Variants in SNAPC1 observed in about 807,000 individuals in gnomAD.
SNAPC1 encodes the protein small nuclear RNA activating complex polypeptide 1, also known as snRNA-activating protein complex subunit 1.
In SNAPC1, 42 loss-of-function variants were observed where a neutral mutation model predicts 50.1. The observed-to-expected ratio is 0.84, with a 90% CI of 0.65 to 1.08. The LOEUF is 1.08. SNAPC1 is among the 50% of genes least tolerant of loss of function. The probability of loss-of-function intolerance (pLI) is 0.00; values close to 1 mark genes in which losing one functional copy is unlikely to be tolerated. For missense variants in SNAPC1, 477 were observed against 427.3 expected, an observed-to-expected ratio of 1.12 and a Z score of -1.02; for synonymous variants, 164 against 144.2, an observed-to-expected ratio of 1.14 and a Z score of -0.98.
At chr14:61,783,245 G>A (rs367653898) in intron 8 of SNAPC1, among the ~76,000 whole-genome samples, 4 of 151,592 alleles carry the variant, frequency 2.6e-5, no homozygotes, top group East Asian at 2.0e-4. Context: ...TGGCCAGGCC[G>A]GTCTTGGACT....
chr14:61,770,368 G>A (rs1323513779), intron 4 of SNAPC1, among the ~76,000 whole-genome samples: 1 of 151,640 alleles, frequency 6.6e-6, no homozygotes, highest in African/African-American at 2.4e-5. Context: ...TCAACCCACT[G>A]AGTAGCTGGG....
At chr14:61,777,162 C>T (rs938378053) in intron 5 of SNAPC1, among the ~76,000 whole-genome samples, 2 of 152,040 alleles carry the variant, frequency 1.3e-5, no homozygotes, top group Non-Finnish European at 2.9e-5. Context: ...TTTTCACTTT[C>T]TGTTATATAA....
At chr14:61,773,915 G>T (rs548571849) in intron 4 of SNAPC1, among the ~76,000 whole-genome samples, 1 of 151,532 alleles carries the variant, frequency 6.6e-6, no homozygotes, top group East Asian at 1.9e-4. Flanking sequence ...CACCATGTTG[G>T]CCAGGGTGGT....
In SNAPC1 at chr14:61,793,638, AT is replaced by A. The variant is rs942122812; in HGVS notation, c.1072+745del. The stretch of plus-strand genomic sequence containing the variant: ...CTTTTGTTTTTCACTGGTGGGGAAT[AT>A]TTTTTTTTCTTTTCTTTTTTTCTTT... On this transcript the variant is annotated intron_variant, in intron 9 of 9. Coordinates refer to ENST00000216294, the MANE Select transcript of SNAPC1 (RefSeq NM_003082.4). 1.3e-4 allele frequency among the ~76,000 whole-genome samples: 18 copies of A among 133,516 alleles called. 1 individual carries two copies. The East Asian group carries it at 3.1e-3, about 23-fold the overall frequency. 87.6% of individuals were successfully genotyped at this position (133,516 alleles called of 152,430 possible).
chr14:61,790,728 T>C (rs569233954), intron 8 of SNAPC1, among the ~76,000 whole-genome samples: 21 of 152,236 alleles, frequency 1.4e-4, no homozygotes, highest in Non-Finnish European at 2.4e-4. Context: ...CGAGTCTGTC[T>C]GAATCCAAGC....
chr14:61,783,503 G>C (rs189767392), intron 8 of SNAPC1, among the ~76,000 whole-genome samples: 1 of 136,600 alleles, frequency 7.3e-6, no homozygotes, highest in Non-Finnish European at 1.6e-5. Context: ...AATTACTTTC[G>C]TATATATTTC....
chr14:61,790,242 T>C (rs2140186298), intron 8 of SNAPC1, among the ~76,000 whole-genome samples: 1 of 152,364 alleles, frequency 6.6e-6, no homozygotes, highest in South Asian at 2.1e-4. Context: ...TAAGCTTTAA[T>C]TATGTGCTCA....
At chr14:61,774,648 A>ATTTCTTTTTTTTTTTTTT (rs1172798543) in intron 4 of SNAPC1, among the ~76,000 whole-genome samples, 1 of 90,968 alleles carries the variant, frequency 1.1e-5, no homozygotes, top group Non-Finnish European at 2.3e-5. Flanking sequence ...TCAGTTTCTC[A>ATTTCTTTTTTTTTTTTTT]TTTTTTTTTT....
At chr14:61,788,565 A>G (rs967851723) in intron 8 of SNAPC1, among the ~76,000 whole-genome samples, 2 of 152,232 alleles carry the variant, frequency 1.3e-5, no homozygotes, top group Admixed American at 6.5e-5. Context: ...ATGCAGGCAG[A>G]CAGTCAGTGC....
At chr14:61,785,964 AT>A (rs1394176266) in intron 8 of SNAPC1, among the ~76,000 whole-genome samples, 2 of 152,102 alleles carry the variant, frequency 1.3e-5, no homozygotes, top group Non-Finnish European at 2.9e-5. Context: ...CCGAAGATTT[AT>A]TTTCCTCTCA....
At chr14:61,768,085 C>CA (rs1357773818) in intron 3 of SNAPC1, among the ~76,000 whole-genome samples, 2 of 152,192 alleles carry the variant, frequency 1.3e-5, no homozygotes, top group Admixed American at 1.3e-4. Context: ...GGCCTTGTAG[C>CA]TTTTTTAAAA....
intron 1 of SNAPC1, among the ~76,000 whole-genome samples, chr14:61,763,130 T>G (rs1223415956): frequency 6.6e-6 from 1 of 151,630 alleles, no homozygotes; most frequent in African/African-American, 2.4e-5. Context: ...TAGCTGGGAT[T>G]ACAGGTGCCC....
At chr14:61,794,137 G>A (rs1007732584) in intron 9 of SNAPC1, among the ~76,000 whole-genome samples, 1 of 152,040 alleles carries the variant, frequency 6.6e-6, no homozygotes, top group Admixed American at 6.6e-5. Context: ...GGTGTTTTGG[G>A]TTACATTTCT....
chr14:61,773,430 T>C (rs1436125226), intron 4 of SNAPC1, among the ~76,000 whole-genome samples: 2 of 134,214 alleles, frequency 1.5e-5, no homozygotes, highest in South Asian at 2.4e-4. Context: ...TGAGATGGAG[T>C]CTCCCTCTGT....
At chr14:61,779,570 T>C (rs1354764122) in intron 7 of SNAPC1, among the ~76,000 whole-genome samples, 2 of 152,012 alleles carry the variant, frequency 1.3e-5, no homozygotes, top group African/African-American at 4.8e-5. Context: ...TTTTATTTTT[T>C]TAAATGTATT....
rs2044952090 is a variant in SNAPC1, at chr14:61,766,903, C to T, written c.156C>T (p.Asn52=). ...GCAGAATGAGAAATTTAGAAAAGAACATGTTTACAAAAGAAGCTTTAGCTT... is the reference window on the plus strand; with the variant it reads ...GCAGAATGAGAAATTTAGAAAAGAATATGTTTACAAAAGAAGCTTTAGCTT... ...FCGRMRNLEK[N]MFTKEALALA... is the part of the protein sequence containing the mutation. The change falls in exon 2 of 10, where the codon AAC becomes AAT. Residue 52 remains asparagine (N), a synonymous_variant. Coordinates refer to ENST00000216294, the MANE Select transcript of SNAPC1 (RefSeq NM_003082.4). 6.2e-7 allele frequency: 1 copy of T among 1,609,262 alleles called. No individual in the cohort carries two copies. The highest frequency in any genetic ancestry group is 1.1e-5 in the South Asian group (1 of 90,936).
At chr14:61,790,585 C>T (rs2045144933) in intron 8 of SNAPC1, among the ~76,000 whole-genome samples, 2 of 152,210 alleles carry the variant, frequency 1.3e-5, no homozygotes. Context: ...AATCCACCCA[C>T]CTCAGCCTCC....
intron 8 of SNAPC1, among the ~76,000 whole-genome samples, chr14:61,789,802 C>T (rs544745053): frequency 1.2e-4 from 19 of 152,230 alleles, no homozygotes; most frequent in African/African-American, 4.6e-4. Flanking sequence ...GAGGGGGAGT[C>T]AGCTGAAACT....
intron 7 of SNAPC1, 139 bp from the exon 8 acceptor site, chr14:61,782,108 G>T: frequency 1.6e-6 from 1 of 608,412 alleles, no homozygotes. Flanking sequence ...AAGCCAGCCA[G>T]GGGTAATAGT....
Sources: allele counts gnomAD v4.1 joint callset (sites outside exome capture counted in the v4.1 genomes callset), GRCh38; gene constraint gnomAD v4.1.1; transcripts MANE v1.5; gene names NCBI Gene and HGNC (gene_info 2026-07-23, HGNC 2026-07-21).